INPP4B: variants seen among roughly 807,000 people sequenced by gnomAD.
INPP4B encodes inositol polyphosphate-4-phosphatase type II B.
Under a neutral mutation model 122.5 loss-of-function variants are expected in INPP4B, and 55 were observed. The observed-to-expected ratio is 0.45, with a 90% confidence interval of 0.36 to 0.56. The LOEUF is 0.56. Among genes scored for constraint, INPP4B ranks in the 20% least tolerant of loss-of-function variants. The pLI is 0.00. For missense variants in INPP4B, 1,000 were observed against 1,097.7 expected, an observed-to-expected ratio of 0.91 and a Z score of 1.26; for synonymous variants, 403 against 388.7, an observed-to-expected ratio of 1.04 and a Z score of -0.43.
chr4:142,029,264 A>T, intron 25 of INPP4B: 1 of 998,904 alleles, frequency 1.0e-6, no homozygotes, highest in African/African-American at 1.7e-5. Context: ...TCTCTTTAAA[A>T]CACATTAAAA....
At chr4:142,838,392 T>G (rs570061593) in intron 1 of INPP4B, among the ~76,000 whole-genome samples, 1 of 152,132 alleles carries the variant, frequency 6.6e-6, no homozygotes, top group African/African-American at 2.4e-5. Flanking sequence ...TCCTAGAAAT[T>G]GAGTAGAAGC....
intron 1 of INPP4B, among the ~76,000 whole-genome samples, chr4:142,804,522 G>A: frequency 6.6e-6 from 1 of 152,150 alleles, no homozygotes; most frequent in East Asian, 1.9e-4. Context: ...TGACCATGCT[G>A]CTTAAAGTTA....
chr4:142,278,591 TG>T (rs1749731435), intron 9 of INPP4B, among the ~76,000 whole-genome samples: 1 of 151,900 alleles, frequency 6.6e-6, no homozygotes, highest in Admixed American at 6.6e-5. Flanking sequence ...CAAGATAGTG[TG>T]GCGAATTCCC....
intron 2 of INPP4B, among the ~76,000 whole-genome samples, chr4:142,557,688 GA>G (rs1204108407): frequency 2.6e-5 from 4 of 152,084 alleles, no homozygotes; most frequent in Admixed American, 2.6e-4. Flanking sequence ...CTAAAAAATA[GA>G]AAAAATATTA....
At chr4:142,338,754 T>C (rs529458400) in intron 7 of INPP4B, among the ~76,000 whole-genome samples, 3 of 152,346 alleles carry the variant, frequency 2.0e-5, no homozygotes, top group East Asian at 3.9e-4. Flanking sequence ...TTCCTGGTTC[T>C]AATTTTCACA....
At chr4:142,686,264 CA>C (rs1305108606) in intron 2 of INPP4B, among the ~76,000 whole-genome samples, 1 of 152,034 alleles carries the variant, frequency 6.6e-6, no homozygotes, top group South Asian at 2.1e-4. Flanking sequence ...ATGACAAAGC[CA>C]AAAACTCAAC....
intron 8 of INPP4B, among the ~76,000 whole-genome samples, chr4:142,307,317 T>C (rs1284186939): frequency 6.6e-6 from 1 of 152,138 alleles, no homozygotes; most frequent in Non-Finnish European, 1.5e-5. Context: ...TCCTCTATTC[T>C]CTATTCCTGT....
chr4:142,117,629 C>G (rs189380787), intron 21 of INPP4B, among the ~76,000 whole-genome samples: 7 of 152,224 alleles, frequency 4.6e-5, no homozygotes, highest in African/African-American at 1.7e-4. Flanking sequence ...ATGATAAAAA[C>G]TCTCAATAAA....
chr4:142,252,496 T>C (rs1732824827), intron 11 of INPP4B, among the ~76,000 whole-genome samples: 1 of 152,096 alleles, frequency 6.6e-6, no homozygotes, highest in Non-Finnish European at 1.5e-5. Context: ...CCAGTAGTCA[T>C]TATTTACTAA....
intron 2 of INPP4B, among the ~76,000 whole-genome samples, chr4:142,702,977 A>T (rs966605739): frequency 6.6e-6 from 1 of 152,208 alleles, no homozygotes; most frequent in African/African-American, 2.4e-5. Flanking sequence ...GGAATTAATA[A>T]GATGTGAGTT....
At chr4:142,553,184 G>A (rs962925708) in intron 2 of INPP4B, among the ~76,000 whole-genome samples, 12 of 152,072 alleles carry the variant, frequency 7.9e-5, no homozygotes, top group Middle Eastern at 3.4e-3. Context: ...ATTTCTCAGA[G>A]CAGAGTCAGA....
At chr4:142,207,465 GACAAGGGCT>G (rs1843024962) in intron 14 of INPP4B, among the ~76,000 whole-genome samples, 1 of 152,122 alleles carries the variant, frequency 6.6e-6, no homozygotes. Context: ...ACTATGTTGT[GACAAGGGCT>G]ACAAAACAGA....
At chr4:142,552,835 G>A (rs1342441908) in intron 2 of INPP4B, among the ~76,000 whole-genome samples, 1 of 152,134 alleles carries the variant, frequency 6.6e-6, no homozygotes, top group Non-Finnish European at 1.5e-5. Flanking sequence ...TTTGCCCAAA[G>A]TCCTACAGCT....
intron 2 of INPP4B, among the ~76,000 whole-genome samples, chr4:142,485,860 G>T (rs1039599842): frequency 2.0e-5 from 3 of 152,086 alleles, no homozygotes; most frequent in Non-Finnish European, 2.9e-5. Context: ...ATAAGGCTAC[G>T]ATTGGCCAGT....
chr4:142,356,471 T>C (rs1043829499), intron 7 of INPP4B, among the ~76,000 whole-genome samples: 4 of 151,440 alleles, frequency 2.6e-5, no homozygotes, highest in East Asian at 2.0e-4. Context: ...AACTCAAGGG[T>C]TGGGGATCCT....
intron 2 of INPP4B, among the ~76,000 whole-genome samples, chr4:142,618,874 AAAATAAATAAAT>A (rs558966100): frequency 2.0e-5 from 3 of 151,426 alleles, no homozygotes; most frequent in Non-Finnish European, 4.4e-5. Flanking sequence ...ACTCAATGGC[AAAATAAATAAAT>A]AAATAAATAA....
intron 18 of INPP4B, among the ~76,000 whole-genome samples, chr4:142,140,170 T>C (rs182757975): frequency 1.3e-5 from 2 of 152,350 alleles, no homozygotes; most frequent in Non-Finnish European, 2.9e-5. Flanking sequence ...AATTCGATGA[T>C]CTACATGGAG....
At chr4:142,607,055 T>C (rs887343338) in intron 2 of INPP4B, among the ~76,000 whole-genome samples, 35 of 152,038 alleles carry the variant, frequency 2.3e-4, no homozygotes, top group Non-Finnish European at 4.4e-4. Context: ...TTGGTAATAC[T>C]GTTTTCTATT....
In INPP4B at chr4:142,405,337, G is replaced by A; in HGVS notation, c.137-13C>T. ...AGATCCTTGCATGCTGGCAACGGCA[G>A]AGGAGACAGAAAGAAAAGAAACTAA... is the stretch of plus-strand genomic sequence containing the variant. On this transcript the variant is annotated splice_polypyrimidine_tract_variant and intron_variant, in intron 5 of 25. Coordinates refer to ENST00000262992, the MANE Select transcript of INPP4B (RefSeq NM_001101669.3). 6.7e-7 allele frequency: 1 copy of A among 1,484,556 alleles called. No individual in the cohort carries two copies. The highest frequency in any genetic ancestry group is 1.1e-5 in the South Asian group (1 of 88,578). The allele number at this position is 1,484,556 out of a possible 1,614,324, so 92.0% of individuals were successfully genotyped here.
Sources: gnomAD v4.1 joint callset for allele counts (sites outside exome capture counted in the v4.1 genomes callset) on GRCh38, gnomAD v4.1.1 for gene constraint, MANE v1.5 for transcripts, NCBI Gene and HGNC (gene_info 2026-07-23, HGNC 2026-07-21) for gene names.